The following LDB3 variants were observed in gnomAD, a reference collection of about 807,000 sequenced individuals.
The protein encoded by LDB3 is LIM domain binding 3, also known as LIM domain-binding protein 3.
In LDB3, 49 loss-of-function variants were observed where a neutral mutation model predicts 69.0. The ratio of observed to expected loss-of-function variants is 0.71; its 90% CI spans 0.56 to 0.90. The LOEUF is 0.90. LDB3 is among the 40% of genes least tolerant of loss of function. LDB3 has a pLI of 0.00. For missense variants in LDB3, 928 were observed against 974.1 expected, an observed-to-expected ratio of 0.95 and a Z score of 0.63; for synonymous variants, 387 against 396.2, an observed-to-expected ratio of 0.98 and a Z score of 0.28.
intron 4 of LDB3, 72 bp from the exon 5 acceptor site, chr10:86,681,364 C>A: frequency 6.3e-7 from 1 of 1,590,672 alleles, no homozygotes; most frequent in Non-Finnish European, 8.5e-7. Flanking sequence ...CAGGTCCACG[C>A]AGGAGCGCTG....
In LDB3 at chr10:86,691,850, TG is replaced by T. The variant is rs763009753; in HGVS notation, c.690-43del. 1.9e-6 allele frequency: 3 copies of T among 1,609,588 alleles called. No homozygotes were observed. In the South Asian group the frequency reaches 3.3e-5, roughly 18 times the overall value. ...AGCAGGGACCCAGCAGGGTGGGAACTGGGCTCCAGCCTAGCCCTCGCCCACG... is the reference window on the plus strand; with the variant it reads ...AGCAGGGACCCAGCAGGGTGGGAACTGGCTCCAGCCTAGCCCTCGCCCACG... On this transcript the variant is annotated intron_variant, in intron 5 of 13. Transcript: ENST00000361373.
Position 86,668,522 on chromosome 10 carries a change from C to G in LDB3, c.-72C>G, listed in dbSNP as rs1441034358. 5.7e-6 allele frequency: 4 copies of G among 696,966 alleles called. No individual in the cohort carries two copies. Among genetic ancestry groups the G allele is most frequent in the Non-Finnish European group, 1.1e-5 (4 of 380,324 alleles). 43.2% of individuals were successfully genotyped at this position (696,966 alleles called of 1,614,324 possible). A position where few individuals can be genotyped will look rare whatever the true frequency, so the allele number is the denominator to read the frequency against. On this transcript the variant is annotated 5_prime_UTR_variant, in exon 1 of 14. Transcript: ENST00000361373. ...ATTCGCTCCCAGCTATTCTTAGGAG[C>G]CTCTCAAGAGCTCCACGCAGCCCGG...
At chr10:86,691,829 G>A (rs1845775116) in intron 5 of LDB3, 67 bp from the exon 6 acceptor site, 1 of 1,576,640 alleles carries the variant, frequency 6.3e-7, no homozygotes, top group South Asian at 1.1e-5. Flanking sequence ...GCATGGAGCA[G>A]GGACCCAGCA....
upstream of LDB3, among the ~76,000 whole-genome samples, chr10:86,667,594 C>T (rs567907650): frequency 1.7e-4 from 26 of 152,346 alleles, no homozygotes; most frequent in African/African-American, 5.8e-4. Context: ...GGCGTCTCCT[C>T]CCTTCTCCCT....
rs1847592849 is a variant in LDB3 at position 86,735,254 on chromosome 10, A to G, written c.*2278A>G. The G allele has an allele frequency of 6.6e-6, 1 of 151,326 alleles. No homozygotes were observed. 9.4% of individuals were successfully genotyped at this position (151,326 alleles called of 1,614,324 possible). On this transcript the variant is annotated 3_prime_UTR_variant, in exon 14 of 14. Transcript: ENST00000361373. ...TTGCCAAAAAGACAAAACTAGCAAA[A>G]AAAAAACAAAAAAACAAAAAAAAAA...
At chr10:86,727,123 C>A (rs903299147) in intron 13 of LDB3, among the ~76,000 whole-genome samples, 1 of 151,182 alleles carries the variant, frequency 6.6e-6, no homozygotes, top group African/African-American at 2.4e-5. Flanking sequence ...TGGGTTCAAG[C>A]GATTCTTCTG....
rs1347250429 is a variant in LDB3, at chr10:86,735,277, A to G, written c.*2301A>G. 6.6e-6 allele frequency: 1 copy of G among 152,050 alleles called. No homozygotes were observed. The highest frequency in any genetic ancestry group is 1.9e-4 in the East Asian group (1 of 5,200). The allele number at this position is 152,050 out of a possible 1,614,324, so 9.4% of individuals were successfully genotyped here. The stretch of plus-strand genomic sequence containing the variant: ...AAAAAAAAACAAAAAAACAAAAAAA[A>G]AACCACTTAAAAGGTAGCAGGAAAA... On this transcript the variant is annotated 3_prime_UTR_variant, in exon 14 of 14. Transcript: ENST00000361373.
intron 9 of LDB3, among the ~76,000 whole-genome samples, chr10:86,711,550 C>G (rs1846665989): frequency 6.6e-6 from 1 of 151,956 alleles, no homozygotes; most frequent in Non-Finnish European, 1.5e-5. Flanking sequence ...GGCGTGTGGT[C>G]CCGAGCCCCC....
chr10:86,677,330 T>C (rs1844850194), intron 2 of LDB3, among the ~76,000 whole-genome samples: 1 of 152,170 alleles, frequency 6.6e-6, no homozygotes, highest in South Asian at 2.1e-4. Flanking sequence ...TGGCATTCCA[T>C]GAGGTATCTT....
In LDB3 at chr10:86,676,028, C is replaced by T. The variant is rs144670994; in HGVS notation, c.94-3339C>T. On this transcript the variant is annotated intron_variant, in intron 2 of 13. Coordinates refer to ENST00000361373, the MANE Select transcript of LDB3 (RefSeq NM_007078.3). ...CCTCTACACTCAAGGCAGCAATACACTCCTGTCATTAATAGAGGCTATGGC... is the reference window on the plus strand; with the variant it reads ...CCTCTACACTCAAGGCAGCAATACATTCCTGTCATTAATAGAGGCTATGGC... 2.6e-5 allele frequency among the ~76,000 whole-genome samples: 4 copies of T among 152,346 alleles called. 1 individual carries two copies. Among genetic ancestry groups the T allele is most frequent in the African/African-American group, 7.2e-5 (3 of 41,580 alleles).
chr10:86,699,340 G>A lies in LDB3; in HGVS notation c.896+6769G>A. The A allele has an allele frequency of 6.2e-7, 1 of 1,613,748 alleles. No individual in the cohort carries two copies. The highest frequency in any genetic ancestry group is 8.5e-7 in the Non-Finnish European group (1 of 1,179,984). The stretch of plus-strand genomic sequence containing the variant: ...GCCAAATTGCGCAACTGGCACCATG[G>A]CCTTTCAGCCCAAATCCTTAATGTT... On this transcript the variant is annotated intron_variant, in intron 7 of 13. Transcript: ENST00000361373. This position sits in a 1 kb window ranked among gnomAD's most constrained non-coding sequence, Gnocchi z 4.9.
intron 9 of LDB3, among the ~76,000 whole-genome samples, chr10:86,713,129 A>T (rs1208175610): frequency 6.6e-6 from 1 of 152,074 alleles, no homozygotes; most frequent in Non-Finnish European, 1.5e-5. Flanking sequence ...ATGTGCCTTC[A>T]AAATCTGGTG....
chr10:86,718,476 C>T (rs1312834224), intron 11 of LDB3, among the ~76,000 whole-genome samples: 1 of 152,172 alleles, frequency 6.6e-6, no homozygotes, highest in Non-Finnish European at 1.5e-5. Flanking sequence ...AGCAGTACCT[C>T]CTCCCAGGTT....
rs2132363687 is a variant in LDB3, at chr10:86,680,121, A to C, written c.285A>C (p.Pro95=). Residue 95 remains proline (P), a synonymous_variant, in exon 4 of 14, where the codon CCA becomes CCC. Coordinates refer to ENST00000361373, the MANE Select transcript of LDB3 (RefSeq NM_007078.3). The part of the protein sequence containing the change: ...RPIPISTTAP[P]VQTPLPVIPH... ...TTCCCATCTCCACGACAGCACCTCC[A>C]GTCCAGACCCCTCTGCCGGTGATCC... 2.5e-6 allele frequency: 4 copies of C among 1,614,166 alleles called. No individual in the cohort carries two copies. Among genetic ancestry groups the C allele is most frequent in the Non-Finnish European group, 2.5e-6 (3 of 1,180,004 alleles).
chr10:86,711,557 C>A (rs1589669260), intron 9 of LDB3, among the ~76,000 whole-genome samples: 1 of 151,994 alleles, frequency 6.6e-6, no homozygotes, highest in Admixed American at 6.5e-5. Flanking sequence ...GGTCCCGAGC[C>A]CCCCTCCGCT....
chr10:86,668,903 T>A, intron 2 of LDB3, 119 bp downstream of exon 2: 2 of 792,688 alleles, frequency 2.5e-6, no homozygotes, highest in Non-Finnish European at 4.2e-6. Context: ...GCATGCCCCA[T>A]CCCCTGGGAC....
Position 86,680,067 on chromosome 10 carries a change from T to C in LDB3, c.246-15T>C. ...GGGCAACTTCCTCACCTGGTCTCAT[T>C]TCTGGTTTCTACAGATCAAAGCGTC... is the stretch of plus-strand genomic sequence containing the variant. On this transcript the variant is annotated splice_polypyrimidine_tract_variant and intron_variant, in intron 3 of 13. Transcript: ENST00000361373. 4 of 1,613,168 alleles carry C rather than the reference T, an allele frequency of 2.5e-6. No homozygotes were observed. Among genetic ancestry groups the C allele is most frequent in the Non-Finnish European group, 3.4e-6 (4 of 1,179,086 alleles).
In LDB3 at chr10:86,699,188, T is replaced by C; in HGVS notation, c.896+6617T>C. 6.8e-7 allele frequency: 1 copy of C among 1,462,836 alleles called. No individual in the cohort carries two copies. Among genetic ancestry groups the C allele is most frequent in the South Asian group, 1.1e-5 (1 of 87,798 alleles). 90.6% of individuals were successfully genotyped at this position (1,462,836 alleles called of 1,614,324 possible). A position where few individuals can be genotyped will look rare whatever the true frequency, so the allele number is the denominator to read the frequency against. On this transcript the variant is annotated intron_variant, in intron 7 of 13. Transcript: ENST00000361373. The surrounding 1 kb of genome is among the most constrained non-coding windows in gnomAD (Gnocchi z 4.9). ...ACAGGGGAATGGTGAACACATTCCC[T>C]AACCCCTTTCATTCTCCCTCTCTTC...
intron 2 of LDB3, among the ~76,000 whole-genome samples, chr10:86,676,012 T>G (rs1844772663): frequency 6.6e-6 from 1 of 152,216 alleles, no homozygotes; most frequent in Admixed American, 6.5e-5. Flanking sequence ...ACCTCTACAC[T>G]CAAGGCAGCA....
Sources: gnomAD v4.1 joint callset for allele counts (sites outside exome capture counted in the v4.1 genomes callset) on GRCh38, gnomAD v4.1.1 for gene constraint, Gnocchi (gnomAD v3.1) non-coding constraint, MANE v1.5 for transcripts, NCBI Gene and HGNC (gene_info 2026-07-23, HGNC 2026-07-21) for gene names.